TSR1: variants seen among roughly 807,000 people sequenced by gnomAD.
The protein encoded by TSR1 is pre-rRNA-processing protein TSR1 homolog.
Under a neutral mutation model 90.9 loss-of-function variants are expected in TSR1, and 81 were observed. That is an observed-to-expected ratio of 0.89 (90% CI 0.74 to 1.07). TSR1 has a LOEUF of 1.07. TSR1 is among the 50% of genes least tolerant of loss of function. The pLI is 0.00. For synonymous variants in TSR1, 362 were observed against 348.8 expected (o/e 1.04, Z -0.42); for missense variants, 989 against 987.3 (o/e 1.00, Z -0.02).
chr17:2,322,963 C>G lies in TSR1; in HGVS notation c.*1233G>C. ...TATTTTTAGTTGACACTGCATTTCA[C>G]CAGGTTGGCCAGGCTGGTCTTGAAC... On this transcript the variant is annotated 3_prime_UTR_variant, in exon 15 of 15. Transcript: ENST00000301364. 3.3e-6 allele frequency: 2 copies of G among 608,636 alleles called. No individual in the cohort carries two copies. The highest frequency in any genetic ancestry group is 5.8e-6 in the Non-Finnish European group (2 of 346,728). The allele number at this position is 608,636 out of a possible 1,614,324, so 37.7% of individuals were successfully genotyped here. A position where few individuals can be genotyped will look rare whatever the true frequency, so the allele number is the denominator to read the frequency against.
chr17:2,326,700 T>C (rs2075577910), intron 11 of TSR1, among the ~76,000 whole-genome samples: 1 of 152,190 alleles, frequency 6.6e-6, no homozygotes, highest in Non-Finnish European at 1.5e-5. Context: ...TGAACACAGC[T>C]CACTGGAGCC....
chr17:2,334,477 T>G lies in TSR1; in HGVS notation c.976A>C (p.Met326Leu), dbSNP rs768718672. ...ATTAAGAATATCAGTCTTACCTCCATTGCCATGTCTGGGTCCTTTTGGGGT... is the reference window on the plus strand; with the variant it reads ...ATTAAGAATATCAGTCTTACCTCCAGTGCCATGTCTGGGTCCTTTTGGGGT... Reference protein sequence around the residue: ...IKPQKDPDMAMEICATDAVDD... With the variant: ...IKPQKDPDMALEICATDAVDD... Residue 326 changes from methionine (M) to leucine (L), a missense_variant, in exon 5 of 15, where the codon ATG becomes CTG. Transcript: ENST00000301364. The G allele has an allele frequency of 4.2e-5, 67 of 1,612,018 alleles. No homozygotes were observed. Among genetic ancestry groups the G allele is most frequent in the Non-Finnish European group, 5.5e-5 (65 of 1,178,708 alleles).
In TSR1 at chr17:2,323,545, G is replaced by A; in HGVS notation, c.*651C>T. Reference sequence around the variant, plus strand: ...TAAAGAAAAGCTTTGGGAAGCGTGTGTACACAGTGATAAGAAAATTCAAAC... The same window carrying A: ...TAAAGAAAAGCTTTGGGAAGCGTGTATACACAGTGATAAGAAAATTCAAAC... On this transcript the variant is annotated 3_prime_UTR_variant, in exon 15 of 15. Transcript: ENST00000301364. 1 of 1,273,888 alleles carries A rather than the reference G, an allele frequency of 7.8e-7. No individual in the cohort carries two copies. The highest frequency in any genetic ancestry group is 1.1e-6 in the Non-Finnish European group (1 of 894,824). The allele number at this position is 1,273,888 out of a possible 1,614,324, so 78.9% of individuals were successfully genotyped here.
In TSR1 at chr17:2,325,434, T is replaced by C. The variant is rs746928577; in HGVS notation, c.1904-14A>G. ...TATGTTTGTCCGCTGCCATAAGGGT[T>C]AAAAAATGAAAAGCAAAACCATTTT... On this transcript the variant is annotated splice_polypyrimidine_tract_variant and intron_variant, in intron 11 of 14. Transcript: ENST00000301364. The C allele has an allele frequency of 2.5e-6, 4 of 1,597,588 alleles. No individual in the cohort carries two copies. In the South Asian group the frequency reaches 4.5e-5, roughly 18 times the overall value.
At position 2,323,051 on chromosome 17, in the gene TSR1, C is replaced by A; in HGVS notation, c.*1145G>T. On this transcript the variant is annotated 3_prime_UTR_variant, in exon 15 of 15. Transcript: ENST00000301364. Reference sequence around the variant, plus strand: ...AAGTGTTGGGATTACAGGTGTGAGCCACCACACCAGGCCCATATTTTCTTT... The same window carrying A: ...AAGTGTTGGGATTACAGGTGTGAGCAACCACACCAGGCCCATATTTTCTTT... 2 of 1,392,072 alleles carry A rather than the reference C, an allele frequency of 1.4e-6. No individual in the cohort carries two copies. The highest frequency in any genetic ancestry group is 1.2e-5 in the South Asian group (1 of 83,038). 86.2% of individuals were successfully genotyped at this position (1,392,072 alleles called of 1,614,324 possible).
rs764372755 is a variant in TSR1, at chr17:2,325,284, A to T, written c.2020+20T>A. Reference sequence around the variant, plus strand: ...TATTAAGGACCTGCAGGGTCTGTTCATCTCTGTGGCTCAACTTACCATTGC... The same window carrying T: ...TATTAAGGACCTGCAGGGTCTGTTCTTCTCTGTGGCTCAACTTACCATTGC... On this transcript the variant is annotated intron_variant, in intron 12 of 14. Coordinates refer to ENST00000301364, the MANE Select transcript of TSR1 (RefSeq NM_018128.5). 3.7e-5 allele frequency: 59 copies of T among 1,582,232 alleles called. No individual in the cohort carries two copies. The highest frequency in any genetic ancestry group is 3.3e-4 in the Middle Eastern group (2 of 6,000).
rs771395142 is a variant in TSR1, at chr17:2,324,565, C to T, written c.2175G>A (p.Trp725Ter). The change falls in exon 14 of 15, where the codon TGG becomes TGA. Residue 725 changes from tryptophan to a stop codon, truncating the protein, a stop_gained. Transcript: ENST00000301364. LOFTEE classifies it high-confidence loss of function. ...TCGTTCTCAGTTCCACTGGTTTAAA[C>T]CACAGCACATCCTCTTAGAATCAAA... Reference protein sequence around the residue: ...YMFFNREDVLWFKPVELRTKW... With the variant: ...YMFFNREDVL 6.2e-7 allele frequency: 1 copy of T among 1,614,168 alleles called. No individual in the cohort carries two copies. Among genetic ancestry groups the T allele is most frequent in the Non-Finnish European group, 8.5e-7 (1 of 1,180,026 alleles).
At chr17:2,334,973 T>C in intron 4 of TSR1, 77 bp from the exon 5 acceptor site, 1 of 1,468,160 alleles carries the variant, frequency 6.8e-7, no homozygotes. Context: ...ACAAACAACC[T>C]AATAGCTCAG....
chr17:2,332,478 T>G, intron 7 of TSR1, 119 bp from the exon 8 acceptor site: 3 of 854,842 alleles, frequency 3.5e-6, no homozygotes, highest in Non-Finnish European at 5.3e-6. Flanking sequence ...ACATAAATTC[T>G]AATACAGTCT....
chr17:2,335,543 T>G lies in TSR1; in HGVS notation c.389A>C (p.Lys130Thr), dbSNP rs372750153. The G allele has an allele frequency of 1.9e-6, 3 of 1,614,030 alleles. No homozygotes were observed. Among genetic ancestry groups the G allele is most frequent in the Non-Finnish European group, 2.5e-6 (3 of 1,180,034 alleles). The part of the protein sequence containing the change: ...QNFMLLCPRL[K>T]HRWFFTSARP... ...TGCTGAGGTGAAAAACCACCGATGT[T>G]TCAAGCGGGGGCACAGCAGCATAAA... Residue 130 changes from lysine to threonine, a missense_variant, in exon 3 of 15, where the codon AAA becomes ACA. By Grantham distance (78) the Lys-to-Thr change is moderately conservative. Transcript: ENST00000301364.
At position 2,334,608 on chromosome 17, in the gene TSR1, G is replaced by A. The variant is rs1193112260; in HGVS notation, c.845C>T (p.Thr282Ile). 1 of 1,613,990 alleles carries A rather than the reference G, an allele frequency of 6.2e-7. No individual in the cohort carries two copies. Among genetic ancestry groups the A allele is most frequent in the Admixed American group, 1.7e-5 (1 of 60,002 alleles). ...LKISGYVRGQ[T>I]LNVNRLLHIV... is the part of the protein sequence containing the mutation. Reference sequence around the variant, plus strand: ...ATGCAGCAACCTATTGACATTCAGAGTCTGCCCTCGAACATAGCCTGAAAT... The same window carrying A: ...ATGCAGCAACCTATTGACATTCAGAATCTGCCCTCGAACATAGCCTGAAAT... Residue 282 changes from threonine to isoleucine, a missense_variant, in exon 5 of 15, where the codon ACT becomes ATT. Coordinates refer to ENST00000301364, the MANE Select transcript of TSR1 (RefSeq NM_018128.5).
chr17:2,331,544 G>A (rs1413938447), intron 8 of TSR1, among the ~76,000 whole-genome samples: 2 of 152,078 alleles, frequency 1.3e-5, no homozygotes, highest in Non-Finnish European at 2.9e-5. Flanking sequence ...TCGTTACTGC[G>A]CTGGCCGTGT....
chr17:2,334,450 G>A (rs1385141699), intron 5 of TSR1, 22 bp downstream of exon 5: 5 of 1,598,164 alleles, frequency 3.1e-6, no homozygotes, highest in Non-Finnish European at 4.3e-6. Flanking sequence ...ATATGAACAT[G>A]AATTAAGAAT....
At chr17:2,330,683 G>A in intron 9 of TSR1, 58 bp from the exon 10 acceptor site, 1 of 1,535,444 alleles carries the variant, frequency 6.5e-7, no homozygotes, top group Non-Finnish European at 8.9e-7. Flanking sequence ...CCAATAGCGA[G>A]GAAGCTTTCT....
chr17:2,330,280 G>A (rs761669746), intron 10 of TSR1: 6 of 648,504 alleles, frequency 9.3e-6, no homozygotes, highest in Admixed American at 1.8e-5. Context: ...AAACATACTT[G>A]GAGAAGTCTC....
Position 2,323,233 on chromosome 17 carries a change from A to G in TSR1, c.*963T>C. On this transcript the variant is annotated 3_prime_UTR_variant, in exon 15 of 15. Coordinates refer to ENST00000301364, the MANE Select transcript of TSR1 (RefSeq NM_018128.5). Reference sequence around the variant, plus strand: ...AAGGGGAAACTGATGCCCAATCTTTATCCTCCAGAAACCATAGCAGATGGT... The same window carrying G: ...AAGGGGAAACTGATGCCCAATCTTTGTCCTCCAGAAACCATAGCAGATGGT... 3 of 1,614,250 alleles carry G rather than the reference A, an allele frequency of 1.9e-6. No homozygotes were observed. The highest frequency in any genetic ancestry group is 2.5e-6 in the Non-Finnish European group (3 of 1,180,046).
rs773340216 is a variant in TSR1 at position 2,324,368 on chromosome 17, T to C, written c.2243A>G (p.His748Arg). ...ATCAAAGCTGCATTTCATGTGGCCA[T>C]GGGTACCTAGAAAGACATCAGAACA... ...RGHIKEPLGT[H>R]GHMKCSFDGK... Residue 748 changes from histidine (H) to arginine (R), a missense_variant, in exon 15 of 15, where the codon CAT becomes CGT. Physicochemically the swap from His to Arg is conservative, Grantham distance 29. Coordinates refer to ENST00000301364, the MANE Select transcript of TSR1 (RefSeq NM_018128.5). The C allele has an allele frequency of 6.4e-6, 10 of 1,573,236 alleles. No individual in the cohort carries two copies. Among genetic ancestry groups the C allele is most frequent in the Admixed American group, 1.9e-5 (1 of 53,764 alleles).
At chr17:2,331,158 C>T (rs2064000913) in intron 8 of TSR1, 49 bp from the exon 9 acceptor site, 5 of 1,438,606 alleles carry the variant, frequency 3.5e-6, no homozygotes, top group Non-Finnish European at 4.6e-6. Context: ...TTATATGGTG[C>T]TATATAGACT....
In TSR1 at chr17:2,333,029, C is replaced by G; in HGVS notation, c.1237G>C (p.Gly413Arg). 3 of 1,614,094 alleles carry G rather than the reference C, an allele frequency of 1.9e-6. No individual in the cohort carries two copies. The highest frequency in any genetic ancestry group is 2.2e-5 in the East Asian group (1 of 44,874). The change falls in exon 7 of 15, where the codon GGT becomes CGT. Residue 413 changes from glycine to arginine, a missense_variant. Coordinates refer to ENST00000301364, the MANE Select transcript of TSR1 (RefSeq NM_018128.5). Reference protein sequence around the residue: ...EWILDGGSQSGGEGDEYEYDD... With the variant: ...EWILDGGSQSRGEGDEYEYDD... ...TATTCATATTCATCTCCTTCCCCAC[C>G]ACTTTGGCTGCCACCATCCAAAATC...
Sources: allele counts gnomAD v4.1 joint callset (sites outside exome capture counted in the v4.1 genomes callset), GRCh38; gene constraint gnomAD v4.1.1; transcripts MANE v1.5; gene names NCBI Gene and HGNC (gene_info 2026-07-23, HGNC 2026-07-21).